CHD7: variants seen among roughly 807,000 people sequenced by gnomAD.
CHD7 encodes ATP-dependent chromatin remodeler CHD7.
A neutral mutation model predicts 307.3 loss-of-function variants in CHD7; 24 were observed. That is an observed-to-expected ratio of 0.08 (90% CI 0.06 to 0.11). The LOEUF (loss-of-function observed/expected upper bound fraction) is 0.11. CHD7 is among the 10% of genes least tolerant of loss of function. CHD7 has a pLI of 1.00. For missense variants in CHD7, 3,106 were observed against 3,727.1 expected (o/e 0.83, Z 4.34); for synonymous variants, 1,363 against 1,349.9 (o/e 1.01, Z -0.21).
chr8:60,697,699 G>A (rs937665478), intron 1 of CHD7, among the ~76,000 whole-genome samples: 1 of 152,176 alleles, frequency 6.6e-6, no homozygotes, highest in Non-Finnish European at 1.5e-5. Flanking sequence ...AAAAACCTCA[G>A]TTTGCAGTCA....
chr8:60,697,628 A>G (rs963367391), intron 1 of CHD7, among the ~76,000 whole-genome samples: 3 of 152,194 alleles, frequency 2.0e-5, no homozygotes, highest in African/African-American at 7.2e-5. Flanking sequence ...TTTCTGATAC[A>G]TTGAAATGCC....
intron 8 of CHD7, among the ~76,000 whole-genome samples, chr8:60,818,335 A>C (rs1275583347): frequency 6.6e-6 from 1 of 152,186 alleles, no homozygotes; most frequent in Non-Finnish European, 1.5e-5. Context: ...GTGATGCCGC[A>C]GATTACTCAC....
intron 1 of CHD7, among the ~76,000 whole-genome samples, chr8:60,685,275 A>T (rs1805824767): frequency 6.6e-6 from 1 of 152,224 alleles, no homozygotes; most frequent in Admixed American, 6.5e-5. Flanking sequence ...TTCATCAAGG[A>T]ATGTGAATGG....
At chr8:60,810,496 A>G (rs979203825) in intron 7 of CHD7, among the ~76,000 whole-genome samples, 16 of 152,124 alleles carry the variant, frequency 1.1e-4, no homozygotes, top group African/African-American at 3.9e-4. Flanking sequence ...AACAATGTGT[A>G]TATATTGATA....
At chr8:60,712,312 G>T (rs766882844) in intron 1 of CHD7, among the ~76,000 whole-genome samples, 70 of 152,132 alleles carry the variant, frequency 4.6e-4, no homozygotes, top group Non-Finnish European at 7.8e-4. Context: ...TAATCACGGA[G>T]GGTGGTGTTT....
intron 34 of CHD7, among the ~76,000 whole-genome samples, chr8:60,859,530 T>A (rs1341474968): frequency 1.3e-5 from 2 of 152,178 alleles, no homozygotes. Flanking sequence ...GACCAAGGGA[T>A]GTCTAGGGTA....
At chr8:60,751,742 C>T (rs975804539) in intron 2 of CHD7, among the ~76,000 whole-genome samples, 86 of 152,136 alleles carry the variant, frequency 5.7e-4, no homozygotes, top group African/African-American at 1.9e-3. Flanking sequence ...GGAGGAGAAC[C>T]TTCGAGGGCT....
At chr8:60,859,999 G>T (rs1805894321) in intron 34 of CHD7, among the ~76,000 whole-genome samples, 7 of 151,618 alleles carry the variant, frequency 4.6e-5, no homozygotes, top group Middle Eastern at 3.4e-3. Context: ...TAGGAATATT[G>T]CAATAACCTG....
At chr8:60,712,998 C>G (rs1019412934) in intron 1 of CHD7, among the ~76,000 whole-genome samples, 2 of 138,888 alleles carry the variant, frequency 1.4e-5, no homozygotes, top group Non-Finnish European at 3.0e-5. Flanking sequence ...TACGCTGAGC[C>G]GAGATTGCGC....
chr8:60,744,682 G>A (rs975920251), intron 2 of CHD7, among the ~76,000 whole-genome samples: 13 of 151,384 alleles, frequency 8.6e-5, no homozygotes, highest in Non-Finnish European at 1.9e-4. Context: ...GTGAAACCCC[G>A]TCTCTATTAA....
intron 4 of CHD7, among the ~76,000 whole-genome samples, chr8:60,799,701 TGTTAAAATGTACAAAG>T (rs143550059): frequency 0.019 from 2,885 of 152,272 alleles, 80 homozygotes; most frequent in African/African-American, 0.055. Context: ...ATGGGAAAAA[TGTTAAAATGTACAAAG>T]GTAGAGAGAG....
intron 7 of CHD7, among the ~76,000 whole-genome samples, 155 bp from the exon 8 acceptor site, chr8:60,816,232 A>G (rs1232180911): frequency 6.6e-6 from 1 of 152,076 alleles, no homozygotes; most frequent in Admixed American, 6.5e-5. Context: ...TTCTTATTCT[A>G]AACAGTGGTG....
chr8:60,795,112 G>A lies in CHD7; in HGVS notation c.2223G>A (p.Glu741=), dbSNP rs765094071. The A allele has an allele frequency of 6.2e-7, 1 of 1,613,098 alleles. No homozygotes were observed. Among genetic ancestry groups the A allele is most frequent in the East Asian group, 2.2e-5 (1 of 44,862 alleles). ...CATCTCCTCCTCCTGAAGAAGATGA[G>A]GACCCAGGTGTTCAGGTAATACAAT... The part of the protein sequence containing the change: ...PPPSPPPEED[E]DPGVQKRRSS... The change falls in exon 4 of 38, where the codon GAG becomes GAA. Residue 741 remains glutamate, a synonymous_variant. Transcript: ENST00000423902.
chr8:60,689,146 T>G (rs1806068670), intron 1 of CHD7, among the ~76,000 whole-genome samples: 1 of 152,198 alleles, frequency 6.6e-6, no homozygotes, highest in South Asian at 2.1e-4. Flanking sequence ...TTTCTTTACT[T>G]GAAAATGACT....
intron 25 of CHD7, 135 bp downstream of exon 25, chr8:60,849,289 C>A: frequency 1.9e-6 from 1 of 533,578 alleles, no homozygotes; most frequent in Non-Finnish European, 3.4e-6. Context: ...TACCATTTTT[C>A]TGTACTAAAA....
At chr8:60,820,874 T>G (rs537256809) in intron 9 of CHD7, among the ~76,000 whole-genome samples, 16 of 152,314 alleles carry the variant, frequency 1.1e-4, no homozygotes, top group African/African-American at 3.8e-4. Context: ...TTAGTTATAC[T>G]TCAAAAAATT....
chr8:60,684,824 G>A (rs1297499214), intron 1 of CHD7, among the ~76,000 whole-genome samples: 1 of 152,172 alleles, frequency 6.6e-6, no homozygotes, highest in Non-Finnish European at 1.5e-5. Context: ...TGAATTGGTG[G>A]GTGCAGAGAG....
At chr8:60,753,075 C>T (rs1044664080) in intron 2 of CHD7, among the ~76,000 whole-genome samples, 3 of 152,122 alleles carry the variant, frequency 2.0e-5, no homozygotes, top group African/African-American at 4.8e-5. Flanking sequence ...GAGACATTTC[C>T]CTGAATGAGA....
chr8:60,699,435 T>C (rs892467999), intron 1 of CHD7, among the ~76,000 whole-genome samples: 66 of 152,342 alleles, frequency 4.3e-4, no homozygotes, highest in African/African-American at 1.4e-3. Context: ...ATTTCAAACA[T>C]TGATGATTTA....
Sources: gnomAD v4.1 joint callset for allele counts (sites outside exome capture counted in the v4.1 genomes callset) on GRCh38, gnomAD v4.1.1 for gene constraint, MANE v1.5 for transcripts, NCBI Gene and HGNC (gene_info 2026-07-23, HGNC 2026-07-21) for gene names.